Variants in POLH observed in about 807,000 individuals in gnomAD.
POLH encodes the protein DNA polymerase eta transcript.
Under a neutral mutation model 73.6 loss-of-function variants are expected in POLH, and 53 were observed. The ratio of observed to expected loss-of-function variants is 0.72; its 90% confidence interval spans 0.58 to 0.91. The LOEUF (loss-of-function observed/expected upper bound fraction) is 0.91. POLH is among the 40% of genes least tolerant of loss of function. POLH has a pLI of 0.00. For missense variants in POLH, 768 were observed against 865.4 expected (o/e 0.89, Z 1.41); for synonymous variants, 292 against 308.5 (o/e 0.95, Z 0.56).
chr6:43,599,944 A>C (rs1766540523), intron 5 of POLH, among the ~76,000 whole-genome samples: 1 of 151,948 alleles, frequency 6.6e-6, no homozygotes, highest in South Asian at 2.1e-4. Flanking sequence ...GGATCACCTG[A>C]GGTTGGGAGT....
chr6:43,603,503 C>G (rs889514642), intron 6 of POLH, among the ~76,000 whole-genome samples: 2 of 152,034 alleles, frequency 1.3e-5, no homozygotes, highest in Non-Finnish European at 2.9e-5. Context: ...CTCAAGCAAT[C>G]TTCCCGCCTT....
intron 9 of POLH, among the ~76,000 whole-genome samples, chr6:43,606,871 CA>C (rs1767365055): frequency 6.6e-6 from 1 of 152,126 alleles, no homozygotes; most frequent in South Asian, 2.1e-4. Context: ...TATCACCCCC[CA>C]AAAGAAATCC....
chr6:43,590,927 A>G, intron 4 of POLH: 1 of 139,650 alleles, frequency 7.2e-6, no homozygotes, highest in East Asian at 1.9e-4. Flanking sequence ...CTCTGTCTCA[A>G]AAAAAAAAAA....
chr6:43,597,247 C>G (rs1766177596), intron 4 of POLH, among the ~76,000 whole-genome samples: 1 of 152,162 alleles, frequency 6.6e-6, no homozygotes, highest in Admixed American at 6.5e-5. Flanking sequence ...TCCTGAGTAG[C>G]TGTGGTTACA....
intron 1 of POLH, among the ~76,000 whole-genome samples, chr6:43,576,878 G>C (rs1264355040): frequency 6.6e-6 from 1 of 152,186 alleles, no homozygotes; most frequent in African/African-American, 2.4e-5. Context: ...GCTCTTGGCC[G>C]GGCGCGGTGG....
chr6:43,618,280 C>T lies in POLH; in HGVS notation c.*3723C>T, dbSNP rs1768477034. On this transcript the variant is annotated 3_prime_UTR_variant, in exon 11 of 11. Coordinates refer to ENST00000372236, the MANE Select transcript of POLH (RefSeq NM_006502.3). ...AAGCAATTCTCCTGCCTCAGCTTCC[C>T]GAATAGCTGAGACTACAAGCGTGCA... 6.6e-6 allele frequency among the ~76,000 whole-genome samples: 1 copy of T among 151,152 alleles called. No homozygotes were observed. The highest frequency in any genetic ancestry group is 2.4e-5 in the African/African-American group (1 of 41,060).
At chr6:43,605,180 A>G in intron 8 of POLH, 74 bp from the exon 9 acceptor site, 1 of 866,272 alleles carries the variant, frequency 1.2e-6, no homozygotes, top group South Asian at 1.4e-5. Flanking sequence ...AAAAAAAAGA[A>G]CAAATAACAC....
intron 4 of POLH, chr6:43,591,347 T>A (rs1765440809): frequency 6.6e-6 from 1 of 152,182 alleles, no homozygotes; most frequent in Admixed American, 6.5e-5. Context: ...CAACACTGAT[T>A]TTTTTGGTGT....
At chr6:43,612,039 A>T (rs1257377063) in intron 10 of POLH, among the ~76,000 whole-genome samples, 1 of 152,130 alleles carries the variant, frequency 6.6e-6, no homozygotes, top group African/African-American at 2.4e-5. Flanking sequence ...CTGGGCAACA[A>T]GAGCGAAATT....
chr6:43,597,815 A>T lies in POLH; in HGVS notation c.610A>T (p.Ile204Leu). The T allele has an allele frequency of 6.2e-7, 1 of 1,613,992 alleles. No individual in the cohort carries two copies. Among genetic ancestry groups the T allele is most frequent in the East Asian group, 2.2e-5 (1 of 44,878 alleles). The change falls in exon 5 of 11, where the codon ATA becomes TTA. Residue 204 changes from isoleucine (I) to leucine (L), a missense_variant. By Grantham distance (5) the Ile-to-Leu change is conservative (BLOSUM62 2). Coordinates refer to ENST00000372236, the MANE Select transcript of POLH (RefSeq NM_006502.3). ...GATTGTGGAGGAAATGAGAGCAGCC[A>T]TAGAGAGGGAGACTGGTTTTCAGTG... ...AVIVEEMRAA[I>L]ERETGFQCSA...
At chr6:43,580,710 G>C (rs1210634334) in intron 1 of POLH, among the ~76,000 whole-genome samples, 2 of 136,926 alleles carry the variant, frequency 1.5e-5, no homozygotes, top group East Asian at 2.2e-4. Flanking sequence ...CTGGCCGGGC[G>C]GGGGGCCGAC....
rs1764475272 is a variant in POLH, at chr6:43,583,188, A to G, written c.272+47A>G. On this transcript the variant is annotated intron_variant, in intron 3 of 10. Coordinates refer to ENST00000372236, the MANE Select transcript of POLH (RefSeq NM_006502.3). ...AGGAGACATAAAGGAGTCGAAAATAATACTCCATGAGGCTAGGAACTGGTG... is the reference window on the plus strand; with the variant it reads ...AGGAGACATAAAGGAGTCGAAAATAGTACTCCATGAGGCTAGGAACTGGTG... 5 of 1,549,958 alleles carry G rather than the reference A, an allele frequency of 3.2e-6. No individual in the cohort carries two copies. In the East Asian group the frequency reaches 9.0e-5, roughly 28 times the overall value.
At chr6:43,583,461 A>T (rs1582272800) in intron 3 of POLH, among the ~76,000 whole-genome samples, 1 of 152,236 alleles carries the variant, frequency 6.6e-6, no homozygotes, top group Non-Finnish European at 1.5e-5. Flanking sequence ...TGAAAAATTG[A>T]CTGTGAAACT....
chr6:43,587,433 C>G lies in POLH; in HGVS notation c.434C>G (p.Thr145Ser). Residue 145 changes from threonine (T) to serine (S), a missense_variant, in exon 4 of 11, where the codon ACT becomes AGT. By Grantham distance (58) the Thr-to-Ser change is moderately conservative. Coordinates refer to ENST00000372236, the MANE Select transcript of POLH (RefSeq NM_006502.3). ...QPISADLLPS[T>S]YIEGLPQGPT... is the part of the protein sequence containing the mutation. ...ATCTCGGCAGACTTGTTGCCAAGCA[C>G]TTACATTGAAGGGTTGCCCCAAGGC... The G allele has an allele frequency of 6.2e-7, 1 of 1,614,222 alleles. No individual in the cohort carries two copies. Among genetic ancestry groups the G allele is most frequent in the South Asian group, 1.1e-5 (1 of 91,092 alleles).
At chr6:43,590,761 A>G (rs1038285895) in intron 4 of POLH, 1 of 151,800 alleles carries the variant, frequency 6.6e-6, no homozygotes, top group Non-Finnish European at 1.5e-5. Context: ...CATCTCTACT[A>G]AAAATACAAA....
Position 43,602,995 on chromosome 6 carries a change from C to CTT in POLH, c.765-875_765-874dup, listed in dbSNP as rs59306548. Among the ~76,000 whole-genome samples the CTT allele has an allele frequency of 6.7e-3, 767 of 114,026 alleles. 26 individuals carry two copies. Among genetic ancestry groups the CTT allele is most frequent in the African/African-American group, 0.027 (702 of 25,810 alleles). The allele number at this position is 114,026 out of a possible 152,430, so 74.8% of individuals were successfully genotyped here. A position where few individuals can be genotyped will look rare whatever the true frequency, so the allele number is the denominator to read the frequency against. The stretch of plus-strand genomic sequence containing the variant: ...CTGTTTATATTTAGGTTATGTATTC[C>CTT]TTTTTTTTTTTTTTTTTTTTTTTGA... On this transcript the variant is annotated intron_variant, in intron 6 of 10. Transcript: ENST00000372236.
intron 1 of POLH, among the ~76,000 whole-genome samples, chr6:43,580,055 G>A (rs1176474269): frequency 6.8e-5 from 10 of 147,970 alleles, no homozygotes; most frequent in African/African-American, 2.0e-4. Context: ...AGGACCCTGC[G>A]GCCTTCCGCA....
At chr6:43,577,822 C>G (rs568616229) in intron 1 of POLH, among the ~76,000 whole-genome samples, 3 of 152,340 alleles carry the variant, frequency 2.0e-5, no homozygotes, top group East Asian at 1.9e-4. Flanking sequence ...CGGTGGCACA[C>G]GCCTGTAATC....
At chr6:43,597,921 G>T in intron 5 of POLH, 56 bp downstream of exon 5, 1 of 1,423,356 alleles carries the variant, frequency 7.0e-7, no homozygotes, top group Admixed American at 1.7e-5. Context: ...GTCAAATACA[G>T]TAGGGACAGT....
Sources: allele counts gnomAD v4.1 joint callset (sites outside exome capture counted in the v4.1 genomes callset), GRCh38; gene constraint gnomAD v4.1.1; transcripts MANE v1.5; gene names NCBI Gene and HGNC (gene_info 2026-07-23, HGNC 2026-07-21).